Variants in UNC5B observed in about 807,000 individuals in gnomAD.
UNC5B encodes netrin receptor UNC5B.
In UNC5B, 56 loss-of-function variants were observed where a neutral mutation model predicts 103.7. That is an observed-to-expected ratio of 0.54 (90% CI 0.44 to 0.67). The LOEUF (loss-of-function observed/expected upper bound fraction) is 0.67. Ranked by LOEUF, UNC5B falls within the 30% of genes least tolerant of loss-of-function variation. The pLI is 0.00. For synonymous variants in UNC5B, 577 were observed against 542.0 expected, an observed-to-expected ratio of 1.06 and a Z score of -0.90; for missense variants, 1,194 against 1,284.5, an observed-to-expected ratio of 0.93 and a Z score of 1.08.
At chr10:71,254,764 G>A (rs973097344) in intron 1 of UNC5B, among the ~76,000 whole-genome samples, 2 of 152,308 alleles carry the variant, frequency 1.3e-5, no homozygotes, top group South Asian at 4.2e-4. Flanking sequence ...TGCACGTGGT[G>A]AGCCTCCACC....
chr10:71,220,982 G>T (rs1445283446), intron 1 of UNC5B, among the ~76,000 whole-genome samples: 1 of 152,214 alleles, frequency 6.6e-6, no homozygotes, highest in Non-Finnish European at 1.5e-5. Context: ...GTGGAAGGAT[G>T]ATCCATACAG....
chr10:71,290,729 C>T (rs979591989), intron 8 of UNC5B, among the ~76,000 whole-genome samples, 186 bp from the exon 9 acceptor site: 2 of 152,220 alleles, frequency 1.3e-5, no homozygotes, highest in Non-Finnish European at 2.9e-5. Flanking sequence ...ACTTCGAGCC[C>T]ATTTTACCGA....
intron 11 of UNC5B, 40 bp from the exon 12 acceptor site, chr10:71,293,365 G>A: frequency 6.4e-7 from 1 of 1,573,376 alleles, no homozygotes; most frequent in Middle Eastern, 1.7e-4. Context: ...CCTTTGCCGA[G>A]CTCTTCACTG....
At chr10:71,264,250 G>T (rs1317815509) in intron 1 of UNC5B, among the ~76,000 whole-genome samples, 1 of 152,200 alleles carries the variant, frequency 6.6e-6, no homozygotes, top group Non-Finnish European at 1.5e-5. Context: ...ATGAAATAAT[G>T]TAGAAGATAT....
Position 71,299,603 on chromosome 10 carries a change from C to CA in UNC5B, c.*327dup, listed in dbSNP as rs1845539420. Reference sequence around the variant, plus strand: ...GCAGGAGGCCCTCCCTCCACCCCCCCACCCTCAGCCCGGCAACTTCTGGGT... The same window carrying CA: ...GCAGGAGGCCCTCCCTCCACCCCCCCAACCCTCAGCCCGGCAACTTCTGGGT... On this transcript the variant is annotated 3_prime_UTR_variant, in exon 17 of 17. Coordinates refer to ENST00000335350, the MANE Select transcript of UNC5B (RefSeq NM_170744.5). The CA allele has an allele frequency of 7.5e-6, 2 of 266,460 alleles. No individual in the cohort carries two copies. Among genetic ancestry groups the CA allele is most frequent in the Admixed American group, 9.6e-5 (2 of 20,914 alleles). 16.5% of individuals were successfully genotyped at this position (266,460 alleles called of 1,614,324 possible).
chr10:71,262,236 G>A (rs905858652), intron 1 of UNC5B, among the ~76,000 whole-genome samples: 32 of 152,036 alleles, frequency 2.1e-4, no homozygotes, highest in Admixed American at 1.8e-3. Flanking sequence ...CTGTAATTAC[G>A]GCTGGCACCC....
At chr10:71,224,937 A>G (rs778631931) in intron 1 of UNC5B, among the ~76,000 whole-genome samples, 7 of 152,320 alleles carry the variant, frequency 4.6e-5, no homozygotes, top group South Asian at 2.1e-4. Flanking sequence ...TTCAAAGCCC[A>G]TCGCTGTAAA....
intron 1 of UNC5B, among the ~76,000 whole-genome samples, chr10:71,261,280 G>A (rs568429921): frequency 1.3e-5 from 2 of 152,328 alleles, no homozygotes; most frequent in Non-Finnish European, 2.9e-5. Flanking sequence ...ATTGGTTGTG[G>A]CTGAGTATAG....
In UNC5B at chr10:71,295,914, A is replaced by T; in HGVS notation, c.2279A>T (p.Asp760Val). ...SYHNLRLSLH[D>V]LPHAHWRSKL... ...CACAACCTGCGCCTCTCCCTCCATG[A>T]CCTCCCCCATGCCCATTGGAGGAGC... is the stretch of plus-strand genomic sequence containing the variant. The change falls in exon 14 of 17, where the codon GAC (aspartate) becomes GTC (valine). Residue 760 changes from aspartate (D) to valine (V), a missense_variant. Physicochemically the swap from Asp to Val is radical, Grantham distance 152 (BLOSUM62 -3). Coordinates refer to ENST00000335350, the MANE Select transcript of UNC5B (RefSeq NM_170744.5). 6.2e-7 allele frequency: 1 copy of T among 1,612,908 alleles called. No individual in the cohort carries two copies. The highest frequency in any genetic ancestry group is 8.5e-7 in the Non-Finnish European group (1 of 1,179,942).
chr10:71,294,664 G>A (rs1845360674), intron 13 of UNC5B, among the ~76,000 whole-genome samples: 2 of 152,054 alleles, frequency 1.3e-5, no homozygotes, highest in African/African-American at 4.8e-5. Context: ...GGAGAGGGAA[G>A]TTAAGGCTGA....
chr10:71,220,912 CT>C (rs890585624), intron 1 of UNC5B, among the ~76,000 whole-genome samples: 2 of 152,194 alleles, frequency 1.3e-5, no homozygotes, highest in African/African-American at 4.8e-5. Context: ...GTGCCTTTCC[CT>C]CTCTGGGTTC....
chr10:71,280,740 G>A (rs1048043374), intron 2 of UNC5B, among the ~76,000 whole-genome samples: 13 of 152,186 alleles, frequency 8.5e-5, no homozygotes, highest in Admixed American at 5.2e-4. Context: ...GGGTGCCCTC[G>A]AGTCTAAGTG....
rs58235566 is a variant in UNC5B at position 71,213,728 on chromosome 10, A to AGTGTGTGTGTGTGTGTGTGT, written c.79+679_79+698dup. On this transcript the variant is annotated intron_variant, in intron 1 of 16. Transcript: ENST00000335350. This position sits in a 1 kb window ranked among gnomAD's most constrained non-coding sequence, Gnocchi z 4.1. Reference sequence around the variant, plus strand: ...ATTATTAATTTTCTGAGTGTTGGAGAGTGTGTGTGTGTGTGTGTGTGTGTG... The same window carrying AGTGTGTGTGTGTGTGTGTGT: ...ATTATTAATTTTCTGAGTGTTGGAGAGTGTGTGTGTGTGTGTGTGTGTGTGTGTGTGTGTGTGTGTGTGTG... Among the ~76,000 whole-genome samples the AGTGTGTGTGTGTGTGTGTGT allele has an allele frequency of 3.3e-3, 430 of 131,438 alleles. 4 individuals carry two copies. The highest frequency in any genetic ancestry group is 0.011 in the African/African-American group (366 of 34,228). The allele number at this position is 131,438 out of a possible 152,430, so 86.2% of individuals were successfully genotyped here.
chr10:71,292,277 C>T (rs1383072727), intron 10 of UNC5B, among the ~76,000 whole-genome samples, 190 bp from the exon 11 acceptor site: 2 of 152,158 alleles, frequency 1.3e-5, no homozygotes, highest in Non-Finnish European at 2.9e-5. Context: ...TCTTCCTAGA[C>T]AAGCCAGCAC....
At chr10:71,235,320 C>T (rs1480268233) in intron 1 of UNC5B, among the ~76,000 whole-genome samples, 4 of 152,200 alleles carry the variant, frequency 2.6e-5, no homozygotes, top group Admixed American at 2.6e-4. Context: ...CTGAACCCCT[C>T]TGGGGGCTTG....
Position 71,298,731 on chromosome 10 carries a change from C to T in UNC5B, c.2673-381C>T, listed in dbSNP as rs528549068. Among the ~76,000 whole-genome samples, 29 of 152,196 alleles carry T rather than the reference C, an allele frequency of 1.9e-4. 1 individual carries two copies. The highest frequency in any genetic ancestry group is 6.3e-4 in the African/African-American group (26 of 41,542). On this transcript the variant is annotated intron_variant, in intron 16 of 16. Transcript: ENST00000335350. ...GAGTTCATGGGAGCAGGAGGGAACA[C>T]GGGTGGGAGGAATGACCACATGCTA... is the stretch of plus-strand genomic sequence containing the variant.
rs910794197 is a variant in UNC5B, at chr10:71,212,796, C to G, written c.-190C>G. 8 of 386,572 alleles carry G rather than the reference C, an allele frequency of 2.1e-5. No homozygotes were observed. Among genetic ancestry groups the G allele is most frequent in the Non-Finnish European group, 3.6e-5 (8 of 224,108 alleles). The allele number at this position is 386,572 out of a possible 1,614,324, so 23.9% of individuals were successfully genotyped here. On this transcript the variant is annotated 5_prime_UTR_variant, in exon 1 of 17. Transcript: ENST00000335350. ...TCGAGAGCCGGCGCCAGGCACCCAC[C>G]GCGCTCCGAGTGCCAGGCGGCCCTC...
At chr10:71,297,379 G>A (rs952289090) in intron 15 of UNC5B, among the ~76,000 whole-genome samples, 2 of 152,218 alleles carry the variant, frequency 1.3e-5, no homozygotes, top group Admixed American at 6.5e-5. Flanking sequence ...GACTGGATTC[G>A]AACCCAGGTT....
At position 71,286,862 on chromosome 10, in the gene UNC5B, C is replaced by G. The variant is rs183228160; in HGVS notation, c.726C>G (p.Ile242Met). Residue 242 changes from isoleucine (I) to methionine (M), a missense_variant, in exon 5 of 17, where the codon ATC (isoleucine) becomes ATG (methionine). Physicochemically the swap from Ile to Met is conservative, Grantham distance 10 (BLOSUM62 1). Coordinates refer to ENST00000335350, the MANE Select transcript of UNC5B (RefSeq NM_170744.5). ...AKRRSTTATV[I>M]VYVNGGWSSW... ...GCCGGAGCACCACTGCCACCGTCAT[C>G]GTCTACGGTGCGGGCCTTTCGGAGT... is the stretch of plus-strand genomic sequence containing the variant. The G allele has an allele frequency of 6.2e-7, 1 of 1,613,940 alleles. No individual in the cohort carries two copies. Among genetic ancestry groups the G allele is most frequent in the East Asian group, 2.2e-5 (1 of 44,876 alleles).
Sources: allele counts gnomAD v4.1 joint callset (sites outside exome capture counted in the v4.1 genomes callset), GRCh38; gene constraint gnomAD v4.1.1; non-coding constraint Gnocchi (gnomAD v3.1); transcripts MANE v1.5; gene names NCBI Gene and HGNC (gene_info 2026-07-23, HGNC 2026-07-21).